Variants in CNTN5 observed in about 807,000 individuals in gnomAD.
CNTN5 encodes the protein contactin 5.
A neutral mutation model predicts 129.1 loss-of-function variants in CNTN5; 77 were observed. That is an observed-to-expected ratio of 0.60 (90% CI 0.50 to 0.72). The LOEUF (loss-of-function observed/expected upper bound fraction) is 0.72. Ranked by LOEUF, CNTN5 falls within the 30% of genes least tolerant of loss-of-function variation. The pLI is 0.00. For synonymous variants in CNTN5, 509 were observed against 465.6 expected, an observed-to-expected ratio of 1.09 and a Z score of -1.20; for missense variants, 1,478 against 1,328.8, an observed-to-expected ratio of 1.11 and a Z score of -1.75.
At chr11:100,292,042 A>G (rs1950994352) in intron 18 of CNTN5, among the ~76,000 whole-genome samples, 1 of 151,990 alleles carries the variant, frequency 6.6e-6, no homozygotes, top group Non-Finnish European at 1.5e-5. Context: ...AGTTTAATTT[A>G]ATTAAAAAAA....
At chr11:99,309,174 T>A (rs1011075159) in intron 1 of CNTN5, among the ~76,000 whole-genome samples, 3 of 151,956 alleles carry the variant, frequency 2.0e-5, no homozygotes, top group Admixed American at 2.0e-4. Context: ...TCAGTCACTT[T>A]TTCTTTTTAA....
intron 2 of CNTN5, among the ~76,000 whole-genome samples, chr11:99,553,048 A>G (rs1202708250): frequency 6.6e-6 from 1 of 152,178 alleles, no homozygotes; most frequent in Non-Finnish European, 1.5e-5. Flanking sequence ...GAACACTATT[A>G]TCTACTTATT....
At chr11:99,735,092 A>G (rs1272388354) in intron 3 of CNTN5, among the ~76,000 whole-genome samples, 1 of 152,260 alleles carries the variant, frequency 6.6e-6, no homozygotes, top group East Asian at 1.9e-4. Context: ...AGGTTCATTT[A>G]TTTTTTTCTA....
rs71305322 is a variant in CNTN5 at position 99,408,448 on chromosome 11, G to GAAAGAGA, written c.-71+82965_-71+82966insAAGAGAA. 8.8e-3 allele frequency among the ~76,000 whole-genome samples: 687 copies of GAAAGAGA among 78,140 alleles called. 8 individuals carry two copies. Among genetic ancestry groups the GAAAGAGA allele is most frequent in the Non-Finnish European group, 0.013 (516 of 40,724 alleles). The allele number at this position is 78,140 out of a possible 152,430, so 51.3% of individuals were successfully genotyped here. On this transcript the variant is annotated intron_variant, in intron 2 of 24. Coordinates refer to ENST00000524871, the MANE Select transcript of CNTN5 (RefSeq NM_014361.4). ...AAAGAAAAAGAAAGAAAGAAAGAAA[G>GAAAGAGA]AGAAAGAAAGAAAGAAAGAAAGAAA...
intron 3 of CNTN5, among the ~76,000 whole-genome samples, chr11:99,778,749 A>T (rs1359872026): frequency 6.6e-5 from 10 of 152,066 alleles, no homozygotes; most frequent in African/African-American, 2.4e-4. Context: ...TATTATCATC[A>T]CTATGATTAT....
chr11:99,636,744 G>T (rs1951570500), intron 3 of CNTN5, among the ~76,000 whole-genome samples: 1 of 150,136 alleles, frequency 6.7e-6, no homozygotes, highest in Non-Finnish European at 1.5e-5. Flanking sequence ...GCTGGGCGCG[G>T]TGGCTCATAC....
intron 16 of CNTN5, among the ~76,000 whole-genome samples, chr11:100,240,224 G>GC (rs900622710): frequency 6.7e-6 from 1 of 149,218 alleles, no homozygotes; most frequent in African/African-American, 2.5e-5. Flanking sequence ...TCAACACCCC[G>GC]CCCCACACCC....
intron 13 of CNTN5, among the ~76,000 whole-genome samples, chr11:100,128,333 C>A (rs2138196195): frequency 6.6e-6 from 1 of 152,174 alleles, no homozygotes; most frequent in East Asian, 1.9e-4. Context: ...TTATCTTTTA[C>A]CACATCTAAT....
chr11:100,258,638 A>ATTCAACG (rs1469802056), intron 17 of CNTN5, among the ~76,000 whole-genome samples: 1 of 152,196 alleles, frequency 6.6e-6, no homozygotes, highest in Non-Finnish European at 1.5e-5. Flanking sequence ...AACATTCAAC[A>ATTCAACG]TTCAACATTC....
At chr11:99,644,486 A>G (rs1255988777) in intron 3 of CNTN5, among the ~76,000 whole-genome samples, 3 of 152,166 alleles carry the variant, frequency 2.0e-5, no homozygotes, top group African/African-American at 4.8e-5. Flanking sequence ...CTTCCTATCT[A>G]TAGGATTTCA....
In CNTN5 at chr11:99,097,986, A is replaced by G. The variant is rs145053544; in HGVS notation, c.-210+76716A>G. ...ATACTCCTTATATAATTTCTGAGCG[A>G]AAAAAAACTAAATTTTAAGCCTCAA... On this transcript the variant is annotated intron_variant, in intron 1 of 24. Transcript: ENST00000524871. Among the ~76,000 whole-genome samples the G allele has an allele frequency of 9.5e-3, 1,448 of 151,838 alleles. 16 individuals carry two copies. Among genetic ancestry groups the G allele is most frequent in the African/African-American group, 0.032 (1,317 of 41,436 alleles).
chr11:100,241,725 G>C (rs564501654), intron 16 of CNTN5, among the ~76,000 whole-genome samples: 1 of 152,218 alleles, frequency 6.6e-6, no homozygotes, highest in Non-Finnish European at 1.5e-5. Flanking sequence ...TTTAATTTTT[G>C]CTTTTGCTTA....
chr11:99,494,074 G>T (rs1340166954), intron 2 of CNTN5, among the ~76,000 whole-genome samples: 1 of 152,144 alleles, frequency 6.6e-6, no homozygotes, highest in Non-Finnish European at 1.5e-5. Flanking sequence ...AATCTATAGA[G>T]ATGCCTCCAC....
At chr11:99,045,591 T>G (rs1289437134) in intron 1 of CNTN5, among the ~76,000 whole-genome samples, 1 of 152,216 alleles carries the variant, frequency 6.6e-6, no homozygotes, top group African/African-American at 2.4e-5. Flanking sequence ...AAAAGCCATT[T>G]CAGAACTGAG....
intron 8 of CNTN5, among the ~76,000 whole-genome samples, chr11:99,961,607 G>T (rs550268694): frequency 6.6e-6 from 1 of 152,138 alleles, no homozygotes; most frequent in East Asian, 1.9e-4. Context: ...TCAATAAAGG[G>T]GATTGAAGAC....
At chr11:99,136,384 A>G (rs4387324) in intron 1 of CNTN5, among the ~76,000 whole-genome samples, 143,697 of 152,230 alleles carry the variant, frequency 0.94, 67,928 homozygotes, top group East Asian at 1. Flanking sequence ...CATTGCTCCT[A>G]AAGTATATAT....
intron 3 of CNTN5, among the ~76,000 whole-genome samples, chr11:99,716,309 G>A (rs1013628239): frequency 1.3e-5 from 2 of 151,774 alleles, no homozygotes; most frequent in East Asian, 3.9e-4. Flanking sequence ...CCTAGACTTC[G>A]GCATGTTAAA....
intron 20 of CNTN5, among the ~76,000 whole-genome samples, chr11:100,304,206 G>A (rs1951293506): frequency 1.3e-5 from 2 of 151,506 alleles, no homozygotes; most frequent in Admixed American, 1.3e-4. Flanking sequence ...CATATCCCAA[G>A]ATTACAGTGA....
chr11:99,939,711 A>G (rs1051236874), intron 7 of CNTN5, among the ~76,000 whole-genome samples: 1 of 152,078 alleles, frequency 6.6e-6, no homozygotes, highest in African/African-American at 2.4e-5. Flanking sequence ...CAAAATATTA[A>G]GCTATATTTT....
Sources: gnomAD v4.1 joint callset for allele counts (sites outside exome capture counted in the v4.1 genomes callset) on GRCh38, gnomAD v4.1.1 for gene constraint, MANE v1.5 for transcripts, NCBI Gene and HGNC (gene_info 2026-07-23, HGNC 2026-07-21) for gene names.